Variants in PSMC2 observed in about 807,000 individuals in gnomAD.
PSMC2 encodes the protein proteasome 26S subunit, ATPase 2, also known as 26S proteasome regulatory subunit 7.
A neutral mutation model predicts 53.3 loss-of-function variants in PSMC2; 7 were observed. The observed-to-expected ratio is 0.13, with a 90% confidence interval of 0.07 to 0.25. PSMC2 has a LOEUF of 0.25. PSMC2 is among the 10% of genes least tolerant of loss of function. The pLI is 1.00. For missense variants in PSMC2, 241 were observed against 544.0 expected, an observed-to-expected ratio of 0.44 and a Z score of 5.54; for synonymous variants, 169 against 183.9, an observed-to-expected ratio of 0.92 and a Z score of 0.66.
chr7:103,362,627 A>ACTTTGAAAGC, intron 5 of PSMC2, 59 bp from the exon 6 acceptor site: 1 of 1,517,140 alleles, frequency 6.6e-7, no homozygotes, highest in Admixed American at 1.7e-5. Flanking sequence ...AGGACTAAAC[A>ACTTTGAAAGC]TAAAAGCACT....
At chr7:103,351,200 G>A (rs540426678) in intron 1 of PSMC2, among the ~76,000 whole-genome samples, 2 of 152,192 alleles carry the variant, frequency 1.3e-5, no homozygotes, top group South Asian at 4.2e-4. Context: ...CTACCCTCAG[G>A]CTCAGTAATT....
Position 103,366,155 on chromosome 7 carries a change from C to G in PSMC2, c.836C>G (p.Ala279Gly). Residue 279 changes from alanine to glycine, a missense_variant, in exon 9 of 12, where the codon GCT (alanine) becomes GGT (glycine). Physicochemically the swap from Ala to Gly is moderately conservative, Grantham distance 60. Coordinates refer to ENST00000292644, the MANE Select transcript of PSMC2 (RefSeq NM_002803.4). ...CTTATCTTCTTTGATGAAATTGATG[C>G]TATTGGAGGTGAGAATGATACGTTA... ...ACLIFFDEID[A>G]IGGARFDDGA... The G allele has an allele frequency of 6.2e-7, 1 of 1,611,856 alleles. No homozygotes were observed. Among genetic ancestry groups the G allele is most frequent in the Non-Finnish European group, 8.5e-7 (1 of 1,178,202 alleles).
At position 103,349,243 on chromosome 7, in the gene PSMC2, C is replaced by A. The variant is rs181996713; in HGVS notation, c.70+1462C>A. ...CTACCTTCATCTCATTCTGCTGTTTCTTTTAAAAATATTTTAGGACACTGA... is the reference window on the plus strand; with the variant it reads ...CTACCTTCATCTCATTCTGCTGTTTATTTTAAAAATATTTTAGGACACTGA... On this transcript the variant is annotated intron_variant, in intron 1 of 11. Transcript: ENST00000292644. Among the ~76,000 whole-genome samples the A allele has an allele frequency of 5.3e-3, 801 of 152,222 alleles. 3 individuals carry two copies. Among genetic ancestry groups the A allele is most frequent in the Non-Finnish European group, 9.0e-3 (610 of 68,014 alleles).
In PSMC2 at chr7:103,369,050, CATAA is replaced by C. The variant is rs1254292795; in HGVS notation, c.*1001_*1004del. The C allele has an allele frequency of 1.3e-5, 2 of 152,132 alleles. No homozygotes were observed. Among genetic ancestry groups the C allele is most frequent in the African/African-American group, 2.4e-5 (1 of 41,430 alleles). 9.4% of individuals were successfully genotyped at this position (152,132 alleles called of 1,614,324 possible). On this transcript the variant is annotated 3_prime_UTR_variant, in exon 12 of 12. Transcript: ENST00000292644. ...AATATTTTTATTGAAGTTCGATATT[CATAA>C]ATAAGTTGCAAAATAAGAGTTGGAT...
In PSMC2 at chr7:103,362,586, T is replaced by C. The variant is rs534316911; in HGVS notation, c.423-100T>C. The C allele has an allele frequency of 5.4e-4, 784 of 1,454,504 alleles. 10 individuals are homozygous for C. In the South Asian group the frequency reaches 8.9e-3, roughly 16 times the overall value. The allele number at this position is 1,454,504 out of a possible 1,614,324, so 90.1% of individuals were successfully genotyped here. ...TATAATTAGGGACTCTGTCTCTCTC[T>C]TGTTTTCTTAAAGTATGGTTTTGGG... is the stretch of plus-strand genomic sequence containing the variant. On this transcript the variant is annotated intron_variant, in intron 5 of 11. Coordinates refer to ENST00000292644, the MANE Select transcript of PSMC2 (RefSeq NM_002803.4).
At chr7:103,350,568 G>A (rs1475546374) in intron 1 of PSMC2, among the ~76,000 whole-genome samples, 1 of 152,072 alleles carries the variant, frequency 6.6e-6, no homozygotes, top group Non-Finnish European at 1.5e-5. Context: ...AGTCACTGCA[G>A]GCTGGGAACT....
intron 7 of PSMC2, 64 bp downstream of exon 7, chr7:103,363,503 T>A: frequency 7.1e-7 from 1 of 1,399,840 alleles, no homozygotes; most frequent in Non-Finnish European, 1.0e-6. Flanking sequence ...TATTGAGCAC[T>A]AAAATTGCTT....
chr7:103,366,986 G>A (rs1240082502), intron 9 of PSMC2, among the ~76,000 whole-genome samples: 1 of 152,078 alleles, frequency 6.6e-6, no homozygotes, highest in African/African-American at 2.4e-5. Context: ...TGTATTTTTA[G>A]TAGAGACGTG....
chr7:103,368,132 CAAAT>C lies in PSMC2; in HGVS notation c.*83_*86del. On this transcript the variant is annotated 3_prime_UTR_variant, in exon 12 of 12. Transcript: ENST00000292644. ...GACTTGTTAATAACCAATTCATAAA[CAAAT>C]AAATGGCTTCAAAATTGTATGCTTT... 3 of 1,266,814 alleles carry C rather than the reference CAAAT, an allele frequency of 2.4e-6. No homozygotes were observed. The South Asian group carries it at 5.0e-5, about 21-fold the overall frequency. 78.5% of individuals were successfully genotyped at this position (1,266,814 alleles called of 1,614,324 possible). A position where few individuals can be genotyped will look rare whatever the true frequency, so the allele number is the denominator to read the frequency against.
Position 103,362,677 on chromosome 7 carries a change from C to T in PSMC2, c.423-9C>T. 6.3e-7 allele frequency: 1 copy of T among 1,594,038 alleles called. No individual in the cohort carries two copies. On this transcript the variant is annotated splice_polypyrimidine_tract_variant and intron_variant, in intron 5 of 11. Coordinates refer to ENST00000292644, the MANE Select transcript of PSMC2 (RefSeq NM_002803.4). Reference sequence around the variant, plus strand: ...AATGTATTAATGACTATCTTTTTTACTTCCTTAGCGTGGATAGAAATAAAT... The same window carrying T: ...AATGTATTAATGACTATCTTTTTTATTTCCTTAGCGTGGATAGAAATAAAT...
At chr7:103,359,291 C>G (rs1251094362) in intron 4 of PSMC2, among the ~76,000 whole-genome samples, 4 of 151,628 alleles carry the variant, frequency 2.6e-5, no homozygotes, top group African/African-American at 2.4e-5. Context: ...AGCCACCGTG[C>G]CCAGCCAGCT....
At chr7:103,361,323 A>T (rs1356399984) in intron 4 of PSMC2, among the ~76,000 whole-genome samples, 1 of 147,138 alleles carries the variant, frequency 6.8e-6, no homozygotes, top group Non-Finnish European at 1.5e-5. Flanking sequence ...TTCAAGAGAA[A>T]CCCCCTCTCT....
rs759287626 is a variant in PSMC2 at position 103,347,766 on chromosome 7, G to T, written c.55G>T (p.Asp19Tyr). 2.5e-6 allele frequency: 4 copies of T among 1,613,854 alleles called. No individual in the cohort carries two copies. In the Admixed American group the frequency reaches 5.0e-5, roughly 20 times the overall value. Residue 19 changes from aspartate to tyrosine, a missense_variant, in exon 1 of 12, where the codon GAC becomes TAC. Asp to Tyr is a radical substitution (Grantham distance 160, BLOSUM62 -3). This residue lies in a region of PSMC2 where 70 missense variants were observed against 57.9 expected (regional missense o/e 1.21). Transcript: ENST00000292644. ...GAAGACCAAAGAGGATGAGAAGGAC[G>T]ACAAGCCCATCCGAGGTCAGTTGAC... ...QRKTKEDEKD[D>Y]KPIRALDEGD...
rs938272714 is a variant in PSMC2 at position 103,368,330 on chromosome 7, G to A, written c.*276G>A. ...CTTCTATCCTAGGCATATGCTGGCC[G>A]GGTGCTCTACATATAAATTCTCATT... On this transcript the variant is annotated 3_prime_UTR_variant, in exon 12 of 12. Coordinates refer to ENST00000292644, the MANE Select transcript of PSMC2 (RefSeq NM_002803.4). 5.0e-5 allele frequency: 13 copies of A among 257,794 alleles called. No individual in the cohort carries two copies. The highest frequency in any genetic ancestry group is 4.5e-4 in the South Asian group (4 of 8,854). 16.0% of individuals were successfully genotyped at this position (257,794 alleles called of 1,614,324 possible).
At chr7:103,357,261 G>T (rs1037549484) in intron 4 of PSMC2, among the ~76,000 whole-genome samples, 1 of 151,714 alleles carries the variant, frequency 6.6e-6, no homozygotes, top group African/African-American at 2.4e-5. Context: ...GGGAGGCAGA[G>T]GTTGCAGTAA....
At chr7:103,358,889 A>G (rs1820195562) in intron 4 of PSMC2, among the ~76,000 whole-genome samples, 1 of 152,116 alleles carries the variant, frequency 6.6e-6, no homozygotes, top group Admixed American at 6.5e-5. Context: ...TAAAGAAAGC[A>G]AAGATTATTT....
At chr7:103,355,078 A>C in intron 3 of PSMC2, 129 bp downstream of exon 3, 1 of 683,508 alleles carries the variant, frequency 1.5e-6, no homozygotes, top group Non-Finnish European at 2.5e-6. Context: ...CCTTTCTGTT[A>C]AGAAATTAGA....
chr7:103,350,257 G>C (rs1819698124), intron 1 of PSMC2, among the ~76,000 whole-genome samples: 1 of 152,124 alleles, frequency 6.6e-6, no homozygotes, highest in Non-Finnish European at 1.5e-5. Flanking sequence ...GTGGCAGAAA[G>C]GACAGGCTTA....
chr7:103,348,450 A>G (rs1819654156), intron 1 of PSMC2, among the ~76,000 whole-genome samples: 1 of 152,174 alleles, frequency 6.6e-6, no homozygotes, highest in African/African-American at 2.4e-5. Context: ...ATACTTTCCT[A>G]TCATGTAGTC....
Sources: allele counts gnomAD v4.1 joint callset (sites outside exome capture counted in the v4.1 genomes callset), GRCh38; gene constraint gnomAD v4.1.1; regional missense constraint gnomAD v4.1.1; transcripts MANE v1.5; gene names NCBI Gene and HGNC (gene_info 2026-07-23, HGNC 2026-07-21).